The following ELN variants were observed in gnomAD, a reference collection of about 807,000 sequenced individuals.
The protein encoded by ELN is elastin, also known as tropoelastin.
Under a neutral mutation model 105.8 loss-of-function variants are expected in ELN, and 65 were observed. The ratio of observed to expected loss-of-function variants is 0.61; its 90% CI spans 0.50 to 0.75. ELN has a LOEUF of 0.75. Ranked by LOEUF, ELN falls within the 30% of genes least tolerant of loss-of-function variation. The pLI, the probability that ELN is intolerant of heterozygous loss-of-function variation, is 0.00. For synonymous variants in ELN, 368 were observed against 389.2 expected (o/e 0.95, Z 0.64); for missense variants, 882 against 969.4 (o/e 0.91, Z 1.20).
rs187312623 is a variant in ELN, at chr7:74,044,131, C to A, written c.469+211C>A. Among the ~76,000 whole-genome samples, 1,273 of 152,194 alleles carry A rather than the reference C, an allele frequency of 8.4e-3. 11 individuals are homozygous for A. The highest frequency in any genetic ancestry group is 0.012 in the Non-Finnish European group (812 of 68,016). The stretch of plus-strand genomic sequence containing the variant: ...TGGTGTGCACCTGTAGTCCCAGCTA[C>A]TCGGGAGGCTGAGGTGGGAGGATTG... On this transcript the variant is annotated intron_variant, in intron 9 of 32. Transcript: ENST00000252034.
chr7:74,031,858 AAAG>A (rs1165571158), intron 1 of ELN, among the ~76,000 whole-genome samples: 2 of 146,036 alleles, frequency 1.4e-5, no homozygotes, highest in Non-Finnish European at 3.0e-5. Context: ...GGAAGGAAGG[AAAG>A]AAGGAAGGAA....
chr7:74,069,482 C>T lies in ELN; in HGVS notation c.*782C>T, dbSNP rs1798638259. Reference sequence around the variant, plus strand: ...CTGCCTCCACCCCCATCCTACACTCCCCCAGGGCGTGCGGGGCTGTGCAGA... The same window carrying T: ...CTGCCTCCACCCCCATCCTACACTCTCCCAGGGCGTGCGGGGCTGTGCAGA... On this transcript the variant is annotated 3_prime_UTR_variant, in exon 33 of 33. Coordinates refer to ENST00000252034, the MANE Select transcript of ELN (RefSeq NM_000501.4). 4.3e-6 allele frequency: 1 copy of T among 235,278 alleles called. No homozygotes were observed. The highest frequency in any genetic ancestry group is 6.0e-5 in the East Asian group (1 of 16,568). The allele number at this position is 235,278 out of a possible 1,614,324, so 14.6% of individuals were successfully genotyped here.
At chr7:74,054,283 T>C (rs1184988704) in intron 18 of ELN, among the ~76,000 whole-genome samples, 1 of 151,808 alleles carries the variant, frequency 6.6e-6, no homozygotes, top group South Asian at 2.1e-4. Flanking sequence ...GCCTGGCCAA[T>C]ATGGTGAAAT....
At chr7:74,032,186 A>C (rs1462238375) in intron 1 of ELN, among the ~76,000 whole-genome samples, 1 of 152,174 alleles carries the variant, frequency 6.6e-6, no homozygotes, top group African/African-American at 2.4e-5. Flanking sequence ...GCAAGAGACA[A>C]GTTCCACCCT....
intron 19 of ELN, 96 bp downstream of exon 19, chr7:74,054,865 A>G: frequency 2.1e-6 from 3 of 1,432,040 alleles, no homozygotes; most frequent in Non-Finnish European, 2.0e-6. Flanking sequence ...AAGGGAAGTG[A>G]CTTGCCCAAG....
rs782409012 is a variant in ELN, at chr7:74,056,674, G to A, written c.1318G>A (p.Glu440Lys). The change falls in exon 21 of 33, where the codon GAA becomes AAA. Residue 440 changes from glutamate (E) to lysine (K), a missense_variant and splice_region_variant. Physicochemically the swap from Glu to Lys is moderately conservative, Grantham distance 56 (BLOSUM62 1). Transcript: ENST00000252034. ...CTTTCTTTCTCGTTTCCTTGTAGCC[G>A]AAGCTCAGGCAGCAGCTGCCGCCAA... The part of the protein sequence containing the change: ...GGVPGVGISP[E>K]AQAAAAAKAA... 23 of 1,613,684 alleles carry A rather than the reference G, an allele frequency of 1.4e-5. No individual in the cohort carries two copies. Among genetic ancestry groups the A allele is most frequent in the South Asian group, 4.4e-5 (4 of 91,080 alleles).
At chr7:74,059,624 C>T (rs1796140620) in intron 22 of ELN, 1 of 571,580 alleles carries the variant, frequency 1.7e-6, no homozygotes, top group African/African-American at 1.9e-5. Context: ...GTGGTGGTTG[C>T]AGTGAGTCGA....
rs549993747 is a variant in ELN, at chr7:74,045,407, T to A, written c.541+114T>A. ...TGGCTCAGGGCCCTCTGGGTGACAC[T>A]TTTTATGTTCCAGCCCTGGGCAGCC... On this transcript the variant is annotated intron_variant, in intron 10 of 32. Coordinates refer to ENST00000252034, the MANE Select transcript of ELN (RefSeq NM_000501.4). The A allele has an allele frequency of 3.1e-5, 38 of 1,231,390 alleles. No individual in the cohort carries two copies. In the East Asian group the frequency reaches 8.1e-4, roughly 26 times the overall value. 76.3% of individuals were successfully genotyped at this position (1,231,390 alleles called of 1,614,324 possible). A position where few individuals can be genotyped will look rare whatever the true frequency, so the allele number is the denominator to read the frequency against.
At chr7:74,066,626 G>A (rs1554689470) in intron 31 of ELN, 106 bp from the exon 32 acceptor site, 1 of 1,008,272 alleles carries the variant, frequency 9.9e-7, no homozygotes, top group East Asian at 2.4e-5. Context: ...TGGAGAGGAG[G>A]TGATCCCAGA....
chr7:74,035,425 T>C lies in ELN; in HGVS notation c.133+11T>C, dbSNP rs28763980. 128 of 1,614,100 alleles carry C rather than the reference T, an allele frequency of 7.9e-5. No individual in the cohort carries two copies. The East Asian group carries it at 2.6e-3, about 33-fold the overall frequency. Reference sequence around the variant, plus strand: ...GAGTCTTTTATCCAGGTAACGTACATGAAACTTCCACACACCCAGGTCATG... The same window carrying C: ...GAGTCTTTTATCCAGGTAACGTACACGAAACTTCCACACACCCAGGTCATG... On this transcript the variant is annotated intron_variant, in intron 2 of 32. Transcript: ENST00000252034.
At position 74,060,002 on chromosome 7, in the gene ELN, C is replaced by T. The variant is rs1554683049; in HGVS notation, c.1531C>T (p.Pro511Ser). The change falls in exon 23 of 33, where the codon CCT (proline) becomes TCT (serine). Residue 511 changes from proline to serine, a missense_variant. Physicochemically the swap from Pro to Ser is moderately conservative, Grantham distance 74. Transcript: ENST00000252034. ...CGTGGCTCCTGGAGTTGGTGTGGCT[C>T]CTGGCGTTGGCGTGGCTCCCGGCAT... is the stretch of plus-strand genomic sequence containing the variant. ...VGVAPGVGVA[P>S]GVGVAPGIGP... 1.9e-6 allele frequency: 3 copies of T among 1,613,894 alleles called. No individual in the cohort carries two copies. Among genetic ancestry groups the T allele is most frequent in the South Asian group, 1.1e-5 (1 of 91,074 alleles).
rs1333239633 is a variant in ELN at position 74,063,755 on chromosome 7, A to G, written c.1993+60A>G. The G allele has an allele frequency of 3.0e-5, 48 of 1,596,698 alleles. No individual in the cohort carries two copies. Among genetic ancestry groups the G allele is most frequent in the Non-Finnish European group, 3.9e-5 (45 of 1,164,814 alleles). On this transcript the variant is annotated intron_variant, in intron 29 of 32. Coordinates refer to ENST00000252034, the MANE Select transcript of ELN (RefSeq NM_000501.4). The surrounding 1 kb of genome is among the most constrained non-coding windows in gnomAD (Gnocchi z 4.1). The stretch of plus-strand genomic sequence containing the variant: ...GTGTGTGTATGCGAGACAGAGATGG[A>G]GACAGAGACAGAGACAGAGACTTTC...
In ELN at chr7:74,059,904, G is replaced by A. The variant is rs1554682811; in HGVS notation, c.1433G>A (p.Gly478Asp). The change falls in exon 23 of 33, where the codon GGC (glycine) becomes GAC (aspartate). Residue 478 changes from glycine to aspartate, a missense_variant. By Grantham distance (94) the Gly-to-Asp change is moderately conservative. Transcript: ENST00000252034. The part of the protein sequence containing the change: ...AAQFGLVPGV[G>D]VAPGVGVAPG... ...CTTGCAGGGTTAGTTCCTGGTGTCG[G>A]CGTGGCTCCTGGAGTTGGCGTGGCT... 1 of 1,426,724 alleles carries A rather than the reference G, an allele frequency of 7.0e-7. No homozygotes were observed. The highest frequency in any genetic ancestry group is 9.9e-7 in the Non-Finnish European group (1 of 1,009,130). The allele number at this position is 1,426,724 out of a possible 1,614,324, so 88.4% of individuals were successfully genotyped here. A position where few individuals can be genotyped will look rare whatever the true frequency, so the allele number is the denominator to read the frequency against.
rs529233102 is a variant in ELN at position 74,063,214 on chromosome 7, C to T, written c.1848C>T (p.Gly616=). 42 of 1,606,712 alleles carry T rather than the reference C, an allele frequency of 2.6e-5. No homozygotes were observed. The highest frequency in any genetic ancestry group is 1.6e-4 in the South Asian group (14 of 88,906). ...LGALGGVGIP[G]GVVGAGPAAA... is the part of the protein sequence containing the mutation. Reference sequence around the variant, plus strand: ...CTCTCGGTGGAGTAGGCATCCCAGGCGGTGTGGTGGGTGAGTTGAAACCCC... The same window carrying T: ...CTCTCGGTGGAGTAGGCATCCCAGGTGGTGTGGTGGGTGAGTTGAAACCCC... Residue 616 remains glycine, a synonymous_variant, in exon 27 of 33, where the codon GGC becomes GGT. Transcript: ENST00000252034. This position sits in a 1 kb window ranked among gnomAD's most constrained non-coding sequence, Gnocchi z 4.1.
In ELN at chr7:74,051,997, G is replaced by A. The variant is rs200929398; in HGVS notation, c.949+14G>A. 3.3e-5 allele frequency: 54 copies of A among 1,612,482 alleles called. No homozygotes were observed. In the African/African-American group the frequency reaches 5.1e-4, roughly 15 times the overall value. ...CAGCCAAGTATGGTGAGTGCCTCCC[G>A]GGGTGGCAAGTCCACGGCTCGGGCC... On this transcript the variant is annotated intron_variant, in intron 17 of 32. Coordinates refer to ENST00000252034, the MANE Select transcript of ELN (RefSeq NM_000501.4).
chr7:74,061,600 C>T (rs781880186), intron 26 of ELN, among the ~76,000 whole-genome samples: 1 of 151,842 alleles, frequency 6.6e-6, no homozygotes, highest in East Asian at 1.9e-4. Flanking sequence ...TGCAGTGAGC[C>T]GAGATCACGC....
chr7:74,056,695 G>A lies in ELN; in HGVS notation c.1339G>A (p.Ala447Thr), dbSNP rs139335797. 278 of 1,613,644 alleles carry A rather than the reference G, an allele frequency of 1.7e-4. 1 individual carries two copies. The highest frequency in any genetic ancestry group is 2.1e-4 in the Non-Finnish European group (250 of 1,179,992). ...ISPEAQAAAA[A>T]KAAKYGVGTP... ...AGCCGAAGCTCAGGCAGCAGCTGCC[G>A]CCAAGGCTGCCAAGTACGGTAAGTG... Residue 447 changes from alanine (A) to threonine (T), a missense_variant, in exon 21 of 33, where the codon GCC (alanine) becomes ACC (threonine). Coordinates refer to ENST00000252034, the MANE Select transcript of ELN (RefSeq NM_000501.4).
rs782709575 is a variant in ELN at position 74,063,416 on chromosome 7, C to A, written c.1918+47C>A. 6.5e-7 allele frequency: 1 copy of A among 1,545,586 alleles called. No individual in the cohort carries two copies. Among genetic ancestry groups the A allele is most frequent in the Non-Finnish European group, 8.7e-7 (1 of 1,148,430 alleles). On this transcript the variant is annotated intron_variant, in intron 28 of 32. Coordinates refer to ENST00000252034, the MANE Select transcript of ELN (RefSeq NM_000501.4). This position sits in a 1 kb window ranked among gnomAD's most constrained non-coding sequence, Gnocchi z 4.1. Reference sequence around the variant, plus strand: ...GAGCTGCCGCCAGGCCCCCAGGCCCCCAGGGTGTGGGAGGAGCTTCTGACC... The same window carrying A: ...GAGCTGCCGCCAGGCCCCCAGGCCCACAGGGTGTGGGAGGAGCTTCTGACC...
rs1180759474 is a variant in ELN at position 74,063,387 on chromosome 7, G to A, written c.1918+18G>A. On this transcript the variant is annotated intron_variant, in intron 28 of 32. Coordinates refer to ENST00000252034, the MANE Select transcript of ELN (RefSeq NM_000501.4). The surrounding 1 kb of genome is among the most constrained non-coding windows in gnomAD (Gnocchi z 4.1). Reference sequence around the variant, plus strand: ...CCAGTTTGGTGAGCACTGGGTGGAGGTGGGAGCTGCCGCCAGGCCCCCAGG... The same window carrying A: ...CCAGTTTGGTGAGCACTGGGTGGAGATGGGAGCTGCCGCCAGGCCCCCAGG... 6 of 1,544,510 alleles carry A rather than the reference G, an allele frequency of 3.9e-6. No homozygotes were observed. The Admixed American group carries it at 7.8e-5, about 20-fold the overall frequency.
Sources: gnomAD v4.1 joint callset for allele counts (sites outside exome capture counted in the v4.1 genomes callset) on GRCh38, gnomAD v4.1.1 for gene constraint, Gnocchi (gnomAD v3.1) non-coding constraint, MANE v1.5 for transcripts, NCBI Gene and HGNC (gene_info 2026-07-23, HGNC 2026-07-21) for gene names.